Variants in ERC2 observed in about 807,000 individuals in gnomAD.
ERC2 encodes ELKS/RAB6-interacting/CAST family member 2, also known as ERC protein 2.
Under a neutral mutation model 114.8 loss-of-function variants are expected in ERC2, and 42 were observed. That is an observed-to-expected ratio of 0.37 (90% CI 0.29 to 0.47). ERC2 has a LOEUF of 0.47. Among genes scored for constraint, ERC2 ranks in the 20% least tolerant of loss-of-function variants. The pLI, the probability that ERC2 is intolerant of heterozygous loss-of-function variation, is 0.99. For synonymous variants in ERC2, 454 were observed against 425.5 expected, an observed-to-expected ratio of 1.07 and a Z score of -0.82; for missense variants, 939 against 1,150.7, an observed-to-expected ratio of 0.82 and a Z score of 2.66.
At chr3:55,704,494 G>C (rs529169003) in intron 15 of ERC2, among the ~76,000 whole-genome samples, 1 of 152,254 alleles carries the variant, frequency 6.6e-6, no homozygotes, top group Admixed American at 6.5e-5. Flanking sequence ...TCCCACTAGG[G>C]AAATCCCAAA....
intron 3 of ERC2, among the ~76,000 whole-genome samples, chr3:56,177,866 AG>A (rs2150035622): frequency 6.6e-6 from 1 of 152,318 alleles, no homozygotes; most frequent in Admixed American, 6.5e-5. Flanking sequence ...GAGGACCTCT[AG>A]CTGGTATTTC....
chr3:56,044,185 T>C (rs2075343974), intron 7 of ERC2, among the ~76,000 whole-genome samples: 1 of 152,214 alleles, frequency 6.6e-6, no homozygotes, highest in East Asian at 1.9e-4. Context: ...AGAGAGTTTG[T>C]TCTTCAAGAC....
chr3:56,194,757 G>A (rs1320391490), intron 3 of ERC2, among the ~76,000 whole-genome samples: 1 of 152,028 alleles, frequency 6.6e-6, no homozygotes, highest in African/African-American at 2.4e-5. Context: ...TGGGACCATT[G>A]TCATATGTGG....
At chr3:55,566,613 T>C (rs1464405117) in intron 17 of ERC2, among the ~76,000 whole-genome samples, 1 of 152,140 alleles carries the variant, frequency 6.6e-6, no homozygotes, top group Non-Finnish European at 1.5e-5. Flanking sequence ...TGTATTTTTG[T>C]AGAAACAAGG....
intron 13 of ERC2, among the ~76,000 whole-genome samples, chr3:55,945,176 T>C (rs952978547): frequency 2.0e-5 from 3 of 152,218 alleles, no homozygotes; most frequent in Non-Finnish European, 4.4e-5. Context: ...ATCTTTTCCA[T>C]ATGTTGAAAA....
chr3:55,531,737 G>T (rs2053681094), intron 17 of ERC2, among the ~76,000 whole-genome samples: 1 of 152,178 alleles, frequency 6.6e-6, no homozygotes, highest in Admixed American at 6.5e-5. Flanking sequence ...CGATAGAAAT[G>T]AATTCCCCTT....
intron 3 of ERC2, among the ~76,000 whole-genome samples, chr3:56,211,010 C>A (rs925549613): frequency 2.0e-5 from 3 of 152,126 alleles, no homozygotes; most frequent in Non-Finnish European, 4.4e-5. Flanking sequence ...ATAGATATTA[C>A]AATAGTTGCT....
At chr3:56,298,996 G>A (rs1304115000) in intron 2 of ERC2, among the ~76,000 whole-genome samples, 1 of 152,056 alleles carries the variant, frequency 6.6e-6, no homozygotes, top group African/African-American at 2.4e-5. Context: ...GCCCAGAGAT[G>A]CGGCTGCAGC....
chr3:55,975,057 G>T (rs571342966), intron 12 of ERC2, among the ~76,000 whole-genome samples: 1 of 152,232 alleles, frequency 6.6e-6, no homozygotes, highest in Non-Finnish European at 1.5e-5. Context: ...AACCGAAATG[G>T]CTAAGTTTGA....
intron 1 of ERC2, among the ~76,000 whole-genome samples, chr3:56,439,184 G>A (rs2062171123): frequency 6.6e-6 from 1 of 152,192 alleles, no homozygotes; most frequent in South Asian, 2.1e-4. Context: ...GTTGACTCCT[G>A]CTGTAATGCT....
intron 14 of ERC2, among the ~76,000 whole-genome samples, chr3:55,758,966 T>C (rs2067237801): frequency 6.6e-6 from 1 of 152,306 alleles, no homozygotes; most frequent in South Asian, 2.1e-4. Flanking sequence ...CCAGATAAGG[T>C]GGTTTTTCCT....
chr3:55,586,801 T>C (rs1486524217), intron 17 of ERC2, among the ~76,000 whole-genome samples: 3 of 152,236 alleles, frequency 2.0e-5, no homozygotes, highest in Admixed American at 6.5e-5. Context: ...ATTTCAAATA[T>C]GGAGAACAAA....
At chr3:55,670,289 C>G (rs1231223617) in intron 17 of ERC2, among the ~76,000 whole-genome samples, 1 of 152,084 alleles carries the variant, frequency 6.6e-6, no homozygotes, top group African/African-American at 2.4e-5. Context: ...AAGGGAAGAA[C>G]AAAAGGAGGA....
At chr3:56,332,160 A>G (rs373436167) in intron 2 of ERC2, among the ~76,000 whole-genome samples, 3,717 of 152,002 alleles carry the variant, frequency 0.024, 66 homozygotes, top group Admixed American at 0.035. Flanking sequence ...GTGCACACAC[A>G]CACACACAAG....
chr3:55,687,346 A>C (rs2148789871), intron 16 of ERC2, among the ~76,000 whole-genome samples: 1 of 150,334 alleles, frequency 6.7e-6, no homozygotes, highest in East Asian at 2.0e-4. Context: ...TATTAGGTAT[A>C]GCCAGCAGGC....
chr3:55,906,507 T>C (rs539454253), intron 13 of ERC2, among the ~76,000 whole-genome samples: 2 of 152,132 alleles, frequency 1.3e-5, no homozygotes, highest in South Asian at 2.1e-4. Flanking sequence ...GGAAATGTAT[T>C]TGAATGTACG....
At chr3:55,521,581 TA>T (rs2052939519) in intron 17 of ERC2, among the ~76,000 whole-genome samples, 1 of 152,192 alleles carries the variant, frequency 6.6e-6, no homozygotes, top group Non-Finnish European at 1.5e-5. Flanking sequence ...CCAGAACGCC[TA>T]ATAGAAGTGA....
intron 6 of ERC2, among the ~76,000 whole-genome samples, chr3:56,134,038 C>G (rs573027694): frequency 6.6e-6 from 1 of 152,188 alleles, no homozygotes; most frequent in African/African-American, 2.4e-5. Flanking sequence ...GAAGGAGAAC[C>G]AAGTTGCTTG....
intron 3 of ERC2, among the ~76,000 whole-genome samples, chr3:56,254,708 G>T (rs1464835788): frequency 6.6e-6 from 1 of 152,206 alleles, no homozygotes; most frequent in African/African-American, 2.4e-5. Flanking sequence ...TCTATCAGTT[G>T]TGTCACCTTG....
Sources: allele counts gnomAD v4.1 joint callset (sites outside exome capture counted in the v4.1 genomes callset), GRCh38; gene constraint gnomAD v4.1.1; transcripts MANE v1.5; gene names NCBI Gene and HGNC (gene_info 2026-07-23, HGNC 2026-07-21).